ZDHHC17: variants seen among roughly 807,000 people sequenced by gnomAD.
ZDHHC17 encodes the protein palmitoyltransferase ZDHHC17.
In ZDHHC17, 40 loss-of-function variants were observed where a neutral mutation model predicts 90.3. The ratio of observed to expected loss-of-function variants is 0.44; its 90% CI spans 0.34 to 0.58. The LOEUF (loss-of-function observed/expected upper bound fraction) is 0.58. ZDHHC17 is among the 20% of genes least tolerant of loss of function. The pLI is 0.01. For missense variants in ZDHHC17, 614 were observed against 780.8 expected, an observed-to-expected ratio of 0.79 and a Z score of 2.55; for synonymous variants, 235 against 252.4, an observed-to-expected ratio of 0.93 and a Z score of 0.65.
Position 76,827,069 on chromosome 12 carries a change from A to T in ZDHHC17, c.1040+19A>T, listed in dbSNP as rs1185087623. The T allele has an allele frequency of 6.5e-7, 1 of 1,545,218 alleles. No individual in the cohort carries two copies. Among genetic ancestry groups the T allele is most frequent in the Admixed American group, 2.4e-5 (1 of 42,418 alleles). Reference sequence around the variant, plus strand: ...TTTCAAAGTAAGTGTGTTGTTTTTAACTATATTTTAAACTGTACATGAAAT... The same window carrying T: ...TTTCAAAGTAAGTGTGTTGTTTTTATCTATATTTTAAACTGTACATGAAAT... On this transcript the variant is annotated intron_variant, in intron 9 of 16. Transcript: ENST00000426126.
At position 76,788,688 on chromosome 12, in the gene ZDHHC17, A is replaced by ATATTTTTTTTTTTTTTTTTTTTTT. The variant is rs61663401; in HGVS notation, c.94-8745_94-8744insATTTTTTTTTTTTTTTTTTTTTTT. 9.4e-4 allele frequency among the ~76,000 whole-genome samples: 93 copies of ATATTTTTTTTTTTTTTTTTTTTTT among 98,656 alleles called. 21 individuals are homozygous for ATATTTTTTTTTTTTTTTTTTTTTT. The highest frequency in any genetic ancestry group is 2.0e-3 in the Admixed American group (15 of 7,468). The allele number at this position is 98,656 out of a possible 152,430, so 64.7% of individuals were successfully genotyped here. On this transcript the variant is annotated intron_variant, in intron 1 of 16. Transcript: ENST00000426126. ...AAAATATATTTAAGTTGGAATCGCA[A>ATATTTTTTTTTTTTTTTTTTTTTT]TTTTTTTTTTTTTTTTTTTTTTTTT...
chr12:76,776,193 T>A (rs949893071), intron 1 of ZDHHC17, among the ~76,000 whole-genome samples: 4 of 152,214 alleles, frequency 2.6e-5, no homozygotes, highest in Non-Finnish European at 5.9e-5. Flanking sequence ...TTCTGAACAT[T>A]ATTATCCTAA....
intron 5 of ZDHHC17, among the ~76,000 whole-genome samples, chr12:76,811,291 C>G (rs10161007): frequency 0.94 from 142,446 of 152,278 alleles, 66,714 homozygotes; most frequent in African/African-American, 0.98. Flanking sequence ...CTAGAACAAA[C>G]GTTGAAGCAG....
chr12:76,827,053 A>G lies in ZDHHC17; in HGVS notation c.1040+3A>G. 1 of 1,550,352 alleles carries G rather than the reference A, an allele frequency of 6.5e-7. No homozygotes were observed. ...GCTACAGTACAGTTTCTTTCAAAGT[A>G]AGTGTGTTGTTTTTAACTATATTTT... On this transcript the variant is annotated splice_donor_region_variant and intron_variant, in intron 9 of 16. Transcript: ENST00000426126.
intron 5 of ZDHHC17, among the ~76,000 whole-genome samples, chr12:76,814,461 C>T (rs937454520): frequency 6.6e-6 from 1 of 151,746 alleles, no homozygotes; most frequent in Non-Finnish European, 1.5e-5. Context: ...ATAGGAAAGG[C>T]GTGCATTTGT....
intron 10 of ZDHHC17, among the ~76,000 whole-genome samples, chr12:76,838,665 C>T (rs2137799098): frequency 6.6e-6 from 1 of 152,266 alleles, no homozygotes; most frequent in Non-Finnish European, 1.5e-5. Context: ...GAATTATCCC[C>T]CACCAGCCAT....
intron 1 of ZDHHC17, among the ~76,000 whole-genome samples, chr12:76,795,975 T>G (rs1952814845): frequency 6.6e-6 from 1 of 152,194 alleles, no homozygotes; most frequent in African/African-American, 2.4e-5. Context: ...AAGCATTTAC[T>G]TGTTGAAAGA....
At chr12:76,823,570 G>A (rs1953192006) in intron 8 of ZDHHC17, among the ~76,000 whole-genome samples, 1 of 152,192 alleles carries the variant, frequency 6.6e-6, no homozygotes, top group African/African-American at 2.4e-5. Context: ...CACAACTTGA[G>A]TAGCATTAAG....
intron 7 of ZDHHC17, among the ~76,000 whole-genome samples, chr12:76,817,914 T>C (rs182760016): frequency 6.1e-4 from 93 of 152,310 alleles, no homozygotes; most frequent in African/African-American, 2.2e-3. Context: ...CTTCCTTAAC[T>C]ATTATTGTAG....
intron 1 of ZDHHC17, among the ~76,000 whole-genome samples, chr12:76,788,810 C>T (rs1478512794): frequency 6.7e-6 from 1 of 149,014 alleles, no homozygotes; most frequent in Non-Finnish European, 1.5e-5. Context: ...GATTCTCCTG[C>T]CTCAGCCTGT....
At chr12:76,777,938 G>A (rs1006974629) in intron 1 of ZDHHC17, among the ~76,000 whole-genome samples, 2 of 152,154 alleles carry the variant, frequency 1.3e-5, no homozygotes, top group African/African-American at 2.4e-5. Context: ...AGCTGAGGGA[G>A]GGGAGAGAGA....
At chr12:76,826,360 C>T (rs1217528555) in intron 8 of ZDHHC17, among the ~76,000 whole-genome samples, 1 of 152,196 alleles carries the variant, frequency 6.6e-6, no homozygotes, top group Non-Finnish European at 1.5e-5. Context: ...GAGCACTCTG[C>T]CTTGATCTTT....
chr12:76,823,338 A>G lies in ZDHHC17; in HGVS notation c.897+807A>G, dbSNP rs76824995. On this transcript the variant is annotated intron_variant, in intron 8 of 16. Transcript: ENST00000426126. ...GAGAGCTTATATTCTTGACCTTTCT[A>G]TGGAAAACTCATTTTAGATCATCCA... Among the ~76,000 whole-genome samples the G allele has an allele frequency of 3.5e-3, 532 of 152,276 alleles. 4 individuals carry two copies. Among genetic ancestry groups the G allele is most frequent in the African/African-American group, 0.011 (445 of 41,574 alleles).
intron 10 of ZDHHC17, chr12:76,840,262 T>C (rs1323264820): frequency 6.6e-6 from 1 of 152,132 alleles, no homozygotes; most frequent in African/African-American, 2.4e-5. Context: ...CTTTTTTTAG[T>C]GCTTTCTCAT....
chr12:76,772,322 A>C (rs766955688), intron 1 of ZDHHC17, among the ~76,000 whole-genome samples: 5 of 152,094 alleles, frequency 3.3e-5, no homozygotes, highest in Non-Finnish European at 7.4e-5. Context: ...GCAGTTTTAT[A>C]TTGGTAGCAA....
chr12:76,770,616 C>A (rs1213612401), intron 1 of ZDHHC17, among the ~76,000 whole-genome samples: 1 of 152,098 alleles, frequency 6.6e-6, no homozygotes, highest in Non-Finnish European at 1.5e-5. Flanking sequence ...TTAAGGTAGT[C>A]AGCATTGAAC....
intron 1 of ZDHHC17, among the ~76,000 whole-genome samples, chr12:76,780,583 G>T (rs1267236066): frequency 6.6e-6 from 1 of 152,162 alleles, no homozygotes; most frequent in East Asian, 1.9e-4. Flanking sequence ...GTCTGTACTT[G>T]CTGTTCCCAG....
intron 1 of ZDHHC17, among the ~76,000 whole-genome samples, chr12:76,787,261 A>G (rs4761444): frequency 0.46 from 69,515 of 151,940 alleles, 16,227 homozygotes; most frequent in East Asian, 0.66. Flanking sequence ...TATTATCATC[A>G]ACTAGGAGAT....
intron 2 of ZDHHC17, among the ~76,000 whole-genome samples, chr12:76,801,428 TG>T (rs1952888433): frequency 6.6e-6 from 1 of 151,036 alleles, no homozygotes; most frequent in African/African-American, 2.4e-5. Flanking sequence ...CCAGGGCGGG[TG>T]GATCACAAGG....
Sources: allele counts gnomAD v4.1 joint callset (sites outside exome capture counted in the v4.1 genomes callset), GRCh38; gene constraint gnomAD v4.1.1; transcripts MANE v1.5; gene names NCBI Gene and HGNC (gene_info 2026-07-23, HGNC 2026-07-21).